Variants in RNLS observed in about 807,000 individuals in gnomAD.
RNLS encodes renalase, FAD dependent amine oxidase.
RNLS carries 39 observed loss-of-function variants against 39.8 expected under a neutral mutation model. That is an observed-to-expected ratio of 0.98 (90% CI 0.76 to 1.28). The LOEUF is 1.28. Ranked by LOEUF, RNLS falls within the 50% of genes most tolerant of loss-of-function variation. The pLI is 0.00. For synonymous variants in RNLS, 147 were observed against 150.7 expected (o/e 0.98, Z 0.18); for missense variants, 410 against 413.3 (o/e 0.99, Z 0.07).
intron 4 of RNLS, among the ~76,000 whole-genome samples, chr10:88,437,814 G>C (rs1841494734): frequency 6.6e-6 from 1 of 152,008 alleles, no homozygotes; most frequent in Non-Finnish European, 1.5e-5. Flanking sequence ...TCTGGGAAAG[G>C]TTTCTCCACT....
chr10:88,202,873 C>T, the RNLS span, among the ~76,000 whole-genome samples: 1 of 152,222 alleles, frequency 6.6e-6, no homozygotes, highest in East Asian at 1.9e-4. Flanking sequence ...TCTGTGGCCA[C>T]ATGTTCCTTG....
downstream of RNLS, among the ~76,000 whole-genome samples, chr10:88,279,452 A>G (rs1418486839): frequency 6.6e-6 from 1 of 152,140 alleles, no homozygotes; most frequent in East Asian, 1.9e-4. Flanking sequence ...TCCACATTTC[A>G]TAGACGAGGG....
At chr10:88,511,131 C>T (rs1400800431) in intron 4 of RNLS, among the ~76,000 whole-genome samples, 1 of 151,824 alleles carries the variant, frequency 6.6e-6, no homozygotes, top group Non-Finnish European at 1.5e-5. Flanking sequence ...TTCAATGGGA[C>T]ATTATCTCCT....
intron 4 of RNLS, among the ~76,000 whole-genome samples, chr10:88,463,474 A>T (rs1169032006): frequency 6.6e-6 from 1 of 152,000 alleles, no homozygotes; most frequent in African/African-American, 2.4e-5. Context: ...TGAAACAATA[A>T]ATTTCTATTG....
intron 3 of RNLS, among the ~76,000 whole-genome samples, chr10:88,580,139 T>G (rs1456310173): frequency 6.6e-6 from 1 of 152,164 alleles, no homozygotes; most frequent in Non-Finnish European, 1.5e-5. Flanking sequence ...ACCCTGCAGA[T>G]CTTGGGACTT....
chr10:88,227,922 A>C, the RNLS span, among the ~76,000 whole-genome samples: 78 of 152,246 alleles, frequency 5.1e-4, no homozygotes, highest in African/African-American at 1.8e-3. Context: ...TCAGAAGTCT[A>C]GTACGTGGAC....
At position 88,456,957 on chromosome 10, in the gene RNLS, T is replaced by C. The variant is rs74720200; in HGVS notation, c.527-94232A>G. Among the ~76,000 whole-genome samples, 1,889 of 152,302 alleles carry C rather than the reference T, an allele frequency of 0.012. 63 individuals are homozygous for C. The East Asian group carries it at 0.13, about 10-fold the overall frequency. On this transcript the variant is annotated intron_variant, in intron 4 of 6. Transcript: ENST00000331772. ...GAAGGATCGTATTGAGTCATACTTG[T>C]AGGATTTATACAGCATAAACCTTCC...
intron 4 of RNLS, among the ~76,000 whole-genome samples, chr10:88,483,646 T>C (rs1844333289): frequency 6.6e-6 from 1 of 152,130 alleles, no homozygotes; most frequent in Non-Finnish European, 1.5e-5. Flanking sequence ...GTTTTTTATA[T>C]TTCTGTTTCT....
chr10:88,561,711 C>G (rs1746496710), intron 4 of RNLS, among the ~76,000 whole-genome samples: 2 of 151,892 alleles, frequency 1.3e-5, no homozygotes, highest in African/African-American at 4.8e-5. Flanking sequence ...AAATAAAAAT[C>G]TTAAGAAATT....
intron 4 of RNLS, among the ~76,000 whole-genome samples, chr10:88,538,513 G>A (rs1045413808): frequency 1.3e-5 from 2 of 152,074 alleles, no homozygotes; most frequent in African/African-American, 4.8e-5. Context: ...CCAGAAAAGC[G>A]TAAAAGTAAA....
chr10:88,337,840 A>G (rs1847624054), intron 5 of RNLS, among the ~76,000 whole-genome samples: 1 of 152,138 alleles, frequency 6.6e-6, no homozygotes, highest in Admixed American at 6.5e-5. Flanking sequence ...AGCCTTTAGT[A>G]CTGTGTCTGG....
chr10:88,332,365 T>C (rs1480586607), intron 5 of RNLS, among the ~76,000 whole-genome samples: 1 of 152,286 alleles, frequency 6.6e-6, no homozygotes, highest in African/African-American at 2.4e-5. Flanking sequence ...GCATGGGCCA[T>C]GCGGAGAAAA....
chr10:88,573,810 T>C (rs537582727), intron 3 of RNLS, among the ~76,000 whole-genome samples: 2 of 152,310 alleles, frequency 1.3e-5, no homozygotes, highest in South Asian at 4.1e-4. Flanking sequence ...ATAGTATACA[T>C]AGCATAGAAT....
chr10:88,581,767 G>T (rs1018789729), intron 2 of RNLS, 58 bp from the exon 3 acceptor site: 1 of 1,138,476 alleles, frequency 8.8e-7, no homozygotes, highest in African/African-American at 1.6e-5. Context: ...AGCTCTAAAA[G>T]ACTATATTTT....
intron 4 of RNLS, among the ~76,000 whole-genome samples, chr10:88,489,814 T>TA (rs1323304931): frequency 1.3e-5 from 2 of 152,188 alleles, no homozygotes; most frequent in Non-Finnish European, 2.9e-5. Flanking sequence ...GAGCTTTTTC[T>TA]ACATCAGAGC....
At chr10:88,193,282 A>G in the RNLS span, among the ~76,000 whole-genome samples, 1 of 152,192 alleles carries the variant, frequency 6.6e-6, no homozygotes, top group South Asian at 2.1e-4. Flanking sequence ...CTCGCCCGAG[A>G]ACTGTTTAGA....
At chr10:88,373,610 C>A (rs1011617317) in intron 4 of RNLS, among the ~76,000 whole-genome samples, 1 of 151,998 alleles carries the variant, frequency 6.6e-6, no homozygotes, top group Non-Finnish European at 1.5e-5. Flanking sequence ...TGCAAATTAG[C>A]TTTTATCTTC....
chr10:88,551,115 T>G (rs1478352191), intron 4 of RNLS, among the ~76,000 whole-genome samples: 7 of 152,260 alleles, frequency 4.6e-5, no homozygotes, highest in African/African-American at 1.7e-4. Context: ...GCTGTCCACC[T>G]CCTTAACTGC....
At chr10:88,422,762 C>CT (rs113940580) in intron 4 of RNLS, among the ~76,000 whole-genome samples, 101 of 143,248 alleles carry the variant, frequency 7.1e-4, no homozygotes, top group East Asian at 8.0e-4. Flanking sequence ...TTAGATGGCC[C>CT]TTTTTTTTTT....
Sources: gnomAD v4.1 joint callset for allele counts (sites outside exome capture counted in the v4.1 genomes callset) on GRCh38, gnomAD v4.1.1 for gene constraint, MANE v1.5 for transcripts, NCBI Gene and HGNC (gene_info 2026-07-23, HGNC 2026-07-21) for gene names.